Variants in VPS13A observed in about 807,000 individuals in gnomAD.
VPS13A encodes vacuolar protein sorting 13 homolog A.
Under a neutral mutation model 390.9 loss-of-function variants are expected in VPS13A, and 264 were observed. That is an observed-to-expected ratio of 0.68 (90% CI 0.61 to 0.75). The LOEUF is 0.75. Ranked by LOEUF, VPS13A falls within the 30% of genes least tolerant of loss-of-function variation. VPS13A has a pLI of 0.00. For missense variants in VPS13A, 3,409 were observed against 3,733.9 expected, an observed-to-expected ratio of 0.91 and a Z score of 2.27; for synonymous variants, 1,231 against 1,227.1, an observed-to-expected ratio of 1.00 and a Z score of -0.07.
rs1016334039 is a variant in VPS13A, at chr9:77,237,041, C to A, written c.1596-961C>A. Among the ~76,000 whole-genome samples, 3 of 152,032 alleles carry A rather than the reference C, an allele frequency of 2.0e-5. No individual in the cohort carries two copies. In the South Asian group the frequency reaches 6.2e-4, roughly 32 times the overall value. On this transcript the variant is annotated intron_variant, in intron 17 of 71. Coordinates refer to ENST00000360280, the MANE Select transcript of VPS13A (RefSeq NM_033305.3). The stretch of plus-strand genomic sequence containing the variant: ...AGTAGCTGGGATTACAGGCATGTAC[C>A]ACCACACCCAGCTAATTTTTGTATT...
chr9:77,264,167 A>G (rs905282202), intron 23 of VPS13A, among the ~76,000 whole-genome samples: 2 of 152,122 alleles, frequency 1.3e-5, no homozygotes. Flanking sequence ...CTGTTTTGGT[A>G]CCAGTACCAT....
intron 52 of VPS13A, among the ~76,000 whole-genome samples, chr9:77,345,867 A>G (rs1006078191): frequency 1.3e-5 from 2 of 152,198 alleles, no homozygotes; most frequent in African/African-American, 2.4e-5. Context: ...ACTAGCAAGT[A>G]CCTAAAACTC....
intron 39 of VPS13A, among the ~76,000 whole-genome samples, 165 bp downstream of exon 39, chr9:77,316,571 ACT>A (rs942746673): frequency 6.6e-6 from 1 of 151,646 alleles, no homozygotes; most frequent in Non-Finnish European, 1.5e-5. Flanking sequence ...CAGCTTTGAA[ACT>A]CTTTCATTCT....
intron 1 of VPS13A, 73 bp from the exon 2 acceptor site, chr9:77,199,872 A>C: frequency 8.0e-7 from 1 of 1,242,390 alleles, no homozygotes; most frequent in Non-Finnish European, 1.1e-6. Context: ...TATGACAGGA[A>C]TGAAGCATAC....
chr9:77,297,422 C>T (rs970268618), intron 33 of VPS13A, among the ~76,000 whole-genome samples: 2 of 152,056 alleles, frequency 1.3e-5, no homozygotes, highest in Non-Finnish European at 2.9e-5. Context: ...TCCCCCCTCC[C>T]TGTACCATGG....
At chr9:77,392,814 C>A in intron 68 of VPS13A, among the ~76,000 whole-genome samples, 1 of 103,728 alleles carries the variant, frequency 9.6e-6, no homozygotes, top group African/African-American at 3.7e-5. Flanking sequence ...TACATAATTG[C>A]TAAAAAAAAA....
intron 45 of VPS13A, among the ~76,000 whole-genome samples, chr9:77,326,097 A>G (rs1830006229): frequency 6.6e-6 from 1 of 152,008 alleles, no homozygotes; most frequent in African/African-American, 2.4e-5. Flanking sequence ...GCTGTATTGC[A>G]TTGTTTCTGA....
rs915189263 is a variant in VPS13A at position 77,421,256 on chromosome 9, C to G, written c.*5250C>G. The G allele has an allele frequency of 1.3e-5, 2 of 152,192 alleles. No homozygotes were observed. The highest frequency in any genetic ancestry group is 1.3e-4 in the Admixed American group (2 of 15,276). 9.4% of individuals were successfully genotyped at this position (152,192 alleles called of 1,614,324 possible). On this transcript the variant is annotated 3_prime_UTR_variant, in exon 72 of 72. Transcript: ENST00000360280. ...CTACACTTTTCTGTTCCTCATCCCT[C>G]TTTTATGTGTGCTTGGCTCAGTTGC...
intron 22 of VPS13A, 101 bp downstream of exon 22, chr9:77,252,453 T>G (rs750337191): frequency 2.1e-6 from 2 of 936,204 alleles, no homozygotes; most frequent in Non-Finnish European, 3.5e-6. Context: ...TGTGGTGAAA[T>G]GTATATAACT....
chr9:77,319,982 T>C (rs1829643506), intron 42 of VPS13A, among the ~76,000 whole-genome samples: 1 of 152,148 alleles, frequency 6.6e-6, no homozygotes, highest in Non-Finnish European at 1.5e-5. Flanking sequence ...TTGTTTGCCC[T>C]CTGAATATAA....
At chr9:77,366,942 A>G in intron 61 of VPS13A, 70 bp downstream of exon 61, 6 of 1,537,920 alleles carry the variant, frequency 3.9e-6, no homozygotes, top group Non-Finnish European at 5.3e-6. Context: ...AAAATTTCGT[A>G]AATGAAAAAG....
intron 71 of VPS13A, 88 bp from the exon 72 acceptor site, chr9:77,415,868 A>G: frequency 6.6e-7 from 1 of 1,504,964 alleles, no homozygotes; most frequent in South Asian, 1.1e-5. Context: ...TAAACTATAA[A>G]GCTAACTTCT....
At chr9:77,317,572 C>T in intron 39 of VPS13A, 34 bp from the exon 40 acceptor site, 4 of 1,441,876 alleles carry the variant, frequency 2.8e-6, no homozygotes, top group Non-Finnish European at 3.8e-6. Context: ...TATATTTAAA[C>T]ATTAATTTAG....
intron 35 of VPS13A, among the ~76,000 whole-genome samples, chr9:77,311,863 G>A (rs1340788923): frequency 1.3e-5 from 2 of 152,122 alleles, no homozygotes; most frequent in Non-Finnish European, 2.9e-5. Flanking sequence ...AAATTAGAAG[G>A]TAGTAACAAT....
At chr9:77,264,422 AGTG>A (rs1446731684) in intron 23 of VPS13A, among the ~76,000 whole-genome samples, 2 of 152,096 alleles carry the variant, frequency 1.3e-5, no homozygotes, top group Non-Finnish European at 2.9e-5. Flanking sequence ...TCTTCCTATC[AGTG>A]AGCATGGAAT....
At chr9:77,415,924 T>G in intron 71 of VPS13A, 32 bp from the exon 72 acceptor site, 1 of 1,612,110 alleles carries the variant, frequency 6.2e-7, no homozygotes, top group Non-Finnish European at 8.5e-7. Flanking sequence ...TTCACTGAAG[T>G]AAGCAAATGT....
chr9:77,364,966 T>G (rs1832355114), intron 59 of VPS13A, among the ~76,000 whole-genome samples: 1 of 152,168 alleles, frequency 6.6e-6, no homozygotes, highest in African/African-American at 2.4e-5. Context: ...AGAAGTTACT[T>G]CCGTCTGAGC....
chr9:77,375,992 G>A (rs1430073823), intron 67 of VPS13A, among the ~76,000 whole-genome samples: 1 of 152,134 alleles, frequency 6.6e-6, no homozygotes, highest in African/African-American at 2.4e-5. Context: ...ATTAAAGGAG[G>A]TAAGGAGATG....
At chr9:77,415,702 A>C (rs1191115927) in intron 71 of VPS13A, among the ~76,000 whole-genome samples, 1 of 152,136 alleles carries the variant, frequency 6.6e-6, no homozygotes, top group African/African-American at 2.4e-5. Flanking sequence ...GGCTCATTTC[A>C]CTTAATTCTG....
Sources: allele counts gnomAD v4.1 joint callset (sites outside exome capture counted in the v4.1 genomes callset), GRCh38; gene constraint gnomAD v4.1.1; transcripts MANE v1.5; gene names NCBI Gene and HGNC (gene_info 2026-07-23, HGNC 2026-07-21).